Variants in CUBN observed in about 807,000 individuals in gnomAD.
CUBN encodes the protein cubilin, also known as 460 kDa receptor.
CUBN carries 282 observed loss-of-function variants against 405.3 expected under a neutral mutation model. That is an observed-to-expected ratio of 0.70 (90% CI 0.63 to 0.77). The LOEUF (loss-of-function observed/expected upper bound fraction) is 0.77. Ranked by LOEUF, CUBN falls within the 30% of genes least tolerant of loss-of-function variation. The probability of loss-of-function intolerance (pLI) is 0.00; values close to 1 mark genes in which losing one functional copy is unlikely to be tolerated. For missense variants in CUBN, 4,514 were observed against 4,475.2 expected, an observed-to-expected ratio of 1.01 and a Z score of -0.25; for synonymous variants, 1,684 against 1,617.0, an observed-to-expected ratio of 1.04 and a Z score of -0.99.
intron 59 of CUBN, among the ~76,000 whole-genome samples, chr10:16,854,649 A>G (rs1839816956): frequency 6.6e-6 from 1 of 152,174 alleles, no homozygotes; most frequent in South Asian, 2.1e-4. Context: ...TTCAAAAACT[A>G]AATGTTATTT....
intron 28 of CUBN, among the ~76,000 whole-genome samples, chr10:17,003,812 G>A (rs781111296): frequency 1.3e-5 from 2 of 152,046 alleles, no homozygotes; most frequent in Admixed American, 6.5e-5. Context: ...GCTATTCCTC[G>A]CTCTTAGTAA....
At chr10:16,984,046 C>G in intron 30 of CUBN, 59 bp downstream of exon 30, 1 of 1,581,030 alleles carries the variant, frequency 6.3e-7, no homozygotes, top group Non-Finnish European at 8.7e-7. Context: ...CCAAGCATTT[C>G]ATGAAATTTA....
At chr10:17,109,598 A>G in intron 10 of CUBN, 42 bp downstream of exon 10, 3 of 1,472,460 alleles carry the variant, frequency 2.0e-6, no homozygotes, top group Non-Finnish European at 2.9e-6. Context: ...TTAGAAGGTC[A>G]TATTACAATA....
intron 22 of CUBN, among the ~76,000 whole-genome samples, chr10:17,051,260 C>G (rs1365608911): frequency 6.6e-6 from 1 of 152,052 alleles, no homozygotes; most frequent in African/African-American, 2.4e-5. Flanking sequence ...ACTCAGGAGG[C>G]TAAGGCAGGA....
chr10:16,850,152 T>G (rs1019974620), intron 60 of CUBN, among the ~76,000 whole-genome samples: 3 of 152,232 alleles, frequency 2.0e-5, no homozygotes, highest in African/African-American at 7.2e-5. Flanking sequence ...ACGAGTTTCA[T>G]GAACTTTCTT....
At chr10:17,126,902 C>T (rs1361046240) in intron 3 of CUBN, 103 bp from the exon 4 acceptor site, 9 of 1,160,728 alleles carry the variant, frequency 7.8e-6, no homozygotes, top group East Asian at 2.4e-5. Flanking sequence ...GCTAGGGACA[C>T]ACTTTGTTCA....
At chr10:16,992,501 G>A (rs896386992) in intron 28 of CUBN, among the ~76,000 whole-genome samples, 1 of 152,110 alleles carries the variant, frequency 6.6e-6, no homozygotes, top group African/African-American at 2.4e-5. Flanking sequence ...CACCAAGTCT[G>A]AGATCTTGTC....
At chr10:17,057,173 C>G (rs1835414630) in intron 22 of CUBN, among the ~76,000 whole-genome samples, 1 of 152,158 alleles carries the variant, frequency 6.6e-6, no homozygotes, top group African/African-American at 2.4e-5. Flanking sequence ...AAAAAATCAG[C>G]TTCACTGAGG....
chr10:17,110,785 A>C (rs548505434), intron 9 of CUBN, 134 bp downstream of exon 9: 28 of 1,335,692 alleles, frequency 2.1e-5, no homozygotes, highest in South Asian at 2.0e-4. Flanking sequence ...AGCCTCCCAA[A>C]GTGCTGGGAT....
intron 54 of CUBN, among the ~76,000 whole-genome samples, chr10:16,891,405 G>A (rs1004070967): frequency 2.0e-5 from 3 of 152,106 alleles, no homozygotes; most frequent in Non-Finnish European, 2.9e-5. Flanking sequence ...AGCGAACCCC[G>A]ATGGCAGGAA....
chr10:17,071,024 A>G lies in CUBN; in HGVS notation c.2625+402T>C, dbSNP rs148125918. ...TTAAATGAATGTCCATTATGAGATT[A>G]AGGAAGGTTCCTTCTACTCCTAGTT... On this transcript the variant is annotated intron_variant, in intron 19 of 66. Coordinates refer to ENST00000377833, the MANE Select transcript of CUBN (RefSeq NM_001081.4). 3.9e-5 allele frequency among the ~76,000 whole-genome samples: 6 copies of G among 152,356 alleles called. No homozygotes were observed. In the East Asian group the frequency reaches 1.2e-3, roughly 29 times the overall value.
chr10:16,872,756 A>G (rs994616936), intron 58 of CUBN, among the ~76,000 whole-genome samples: 3 of 152,222 alleles, frequency 2.0e-5, no homozygotes, highest in African/African-American at 7.2e-5. Flanking sequence ...AGAAACAAAT[A>G]GTGAGTCACA....
At chr10:17,056,348 C>T (rs1257941976) in intron 22 of CUBN, among the ~76,000 whole-genome samples, 1 of 152,136 alleles carries the variant, frequency 6.6e-6, no homozygotes, top group Non-Finnish European at 1.5e-5. Context: ...CGGTGGCTCA[C>T]GCCTGTAATT....
intron 22 of CUBN, among the ~76,000 whole-genome samples, chr10:17,057,146 G>A (rs889574361): frequency 2.0e-5 from 3 of 152,164 alleles, no homozygotes; most frequent in African/African-American, 7.2e-5. Flanking sequence ...AAGAATTCAA[G>A]GGTGAGCTGG....
At chr10:17,024,988 A>T (rs1222906346) in intron 27 of CUBN, among the ~76,000 whole-genome samples, 1 of 152,222 alleles carries the variant, frequency 6.6e-6, no homozygotes, top group Non-Finnish European at 1.5e-5. Context: ...GTTCATGTAG[A>T]AAAAGCAACT....
chr10:16,976,649 T>C (rs968762499), intron 31 of CUBN, among the ~76,000 whole-genome samples: 15 of 152,176 alleles, frequency 9.9e-5, no homozygotes, highest in African/African-American at 3.4e-4. Flanking sequence ...GTTCCATATA[T>C]CTCTCTTTTC....
chr10:17,123,760 C>A (rs940551922), intron 4 of CUBN, 71 bp from the exon 5 acceptor site: 1 of 996,770 alleles, frequency 1.0e-6, no homozygotes, highest in South Asian at 1.3e-5. Flanking sequence ...TTACCGTGCA[C>A]GTGGGATTAC....
Position 16,925,305 on chromosome 10 carries a change from C to T in CUBN, c.6582G>A (p.Gln2194=), listed in dbSNP as rs150129378. 54 of 1,613,654 alleles carry T rather than the reference C, an allele frequency of 3.3e-5. No individual in the cohort carries two copies. The highest frequency in any genetic ancestry group is 4.4e-5 in the Non-Finnish European group (52 of 1,179,802). ...CTTCATTACTGTGATCAGAAATAAA[C>T]TGAACAAACATTTGATTATCCGAGG... ...LFTSDNQMFV[Q]FISDHSNEGQ... is the part of the protein sequence containing the mutation. The change falls in exon 43 of 67, where the codon CAG becomes CAA. Residue 2194 remains glutamine, a synonymous_variant. Coordinates refer to ENST00000377833, the MANE Select transcript of CUBN (RefSeq NM_001081.4).
intron 28 of CUBN, among the ~76,000 whole-genome samples, chr10:17,008,339 T>TGTGTGTGTGTGTGTG: frequency 6.7e-6 from 1 of 149,298 alleles, no homozygotes; most frequent in Non-Finnish European, 1.5e-5. Flanking sequence ...CCTCCCCGTG[T>TGTGTGTGTGTGTGTG]GTGTGTGTGT....
Sources: gnomAD v4.1 joint callset for allele counts (sites outside exome capture counted in the v4.1 genomes callset) on GRCh38, gnomAD v4.1.1 for gene constraint, MANE v1.5 for transcripts, NCBI Gene and HGNC (gene_info 2026-07-23, HGNC 2026-07-21) for gene names.